The following MADD variants were observed in gnomAD, a reference collection of about 807,000 sequenced individuals.
MADD encodes MAP kinase activating death domain.
In MADD, 109 loss-of-function variants were observed where a neutral mutation model predicts 176.7. The observed-to-expected ratio is 0.62, with a 90% confidence interval of 0.53 to 0.72. The LOEUF is 0.72. Ranked by LOEUF, MADD falls within the 30% of genes least tolerant of loss-of-function variation. The pLI is 0.00. For synonymous variants in MADD, 771 were observed against 771.3 expected (o/e 1.00, Z 0.01); for missense variants, 1,914 against 2,045.5 (o/e 0.94, Z 1.24).
rs2137234315 is a variant in MADD at position 47,282,566 on chromosome 11, G to T, written c.1655G>T (p.Gly552Val). The change falls in exon 9 of 33, where the codon GGG becomes GTG. Residue 552 changes from glycine (G) to valine (V), a missense_variant. Physicochemically the swap from Gly to Val is moderately radical, Grantham distance 109. This residue lies in a region of MADD where 1,767 missense variants were observed against 1,836.0 expected (regional missense o/e 0.96). Transcript: ENST00000402192. ...AGGACTCAGGCTGTGGAGTACTTTG[G>T]GGAATGGATCCTTAACCCCACCAAC... 6.2e-7 allele frequency: 1 copy of T among 1,614,162 alleles called. No individual in the cohort carries two copies.
chr11:47,282,963 A>G, exon 10 of MADD: 1 of 1,613,378 alleles, frequency 6.2e-7, no homozygotes, highest in Admixed American at 1.7e-5. Context: ...GAACCTACTG[A>G]TGATAGGTGA....
intron 22 of MADD, 115 bp from the exon 25 acceptor site, chr11:47,308,476 T>C: frequency 1.5e-6 from 1 of 654,870 alleles, no homozygotes; most frequent in Non-Finnish European, 2.7e-6. Flanking sequence ...GGTACTGGAG[T>C]TTATGTTGCT....
exon 9 of MADD, chr11:47,282,389 T>C: frequency 1.9e-6 from 3 of 1,614,138 alleles, no homozygotes; most frequent in Non-Finnish European, 2.5e-6. Context: ...AGGGTTGCCA[T>C]GGTACGGTTC....
intron 16 of MADD, 54 bp from the exon 18 acceptor site, chr11:47,289,813 G>A: frequency 2.5e-6 from 4 of 1,589,658 alleles, no homozygotes; most frequent in Non-Finnish European, 3.4e-6. Flanking sequence ...TGAAAGGTGG[G>A]GGGTGCTCTG....
intron 7 of MADD, among the ~76,000 whole-genome samples, chr11:47,279,855 G>A (rs550227755): frequency 2.8e-4 from 42 of 151,848 alleles, no homozygotes; most frequent in Admixed American, 6.6e-4. Context: ...GGTGAATCAC[G>A]AGGTCAGGAG....
At chr11:47,284,904 C>T in intron 12 of MADD, 37 bp from the exon 13 acceptor site, 4 of 1,609,366 alleles carry the variant, frequency 2.5e-6, no homozygotes, top group Non-Finnish European at 3.4e-6. Context: ...TACCATTGGG[C>T]ACCAGGTAAC....
rs934191683 is a variant in MADD, at chr11:47,325,809, C to CCTTG, written c.4543-928_4543-925dup. Among the ~76,000 whole-genome samples, 5 of 152,238 alleles carry CCTTG rather than the reference C, an allele frequency of 3.3e-5. No homozygotes were observed. Among genetic ancestry groups the CCTTG allele is most frequent in the African/African-American group, 1.2e-4 (5 of 41,452 alleles). On this transcript the variant is annotated intron_variant, in intron 30 of 32. Coordinates refer to ENST00000402192, the Ensembl canonical transcript of MADD. The surrounding 1 kb of genome is among the most constrained non-coding windows in gnomAD (Gnocchi z 4.5). ...TGCTCTGCCCTGTTCCTCGTCCTGCCCTTGGCATAGCCCCACTGGGCAGCC... is the reference window on the plus strand; with the variant it reads ...TGCTCTGCCCTGTTCCTCGTCCTGCCCTTGCTTGGCATAGCCCCACTGGGCAGCC...
intron 5 of MADD, 77 bp downstream of exon 5, chr11:47,276,940 A>G (rs1237493307): frequency 8.5e-6 from 13 of 1,526,974 alleles, no homozygotes; most frequent in East Asian, 2.3e-5. Context: ...AAGAAGTTGT[A>G]AGTGAGTGCT....
At chr11:47,308,947 C>G in intron 23 of MADD, 33 bp from the exon 26 acceptor site, 1 of 1,594,388 alleles carries the variant, frequency 6.3e-7, no homozygotes. Context: ...TCCTTTCTTG[C>G]TACCATGGTC....
chr11:47,287,782 A>ATTTTT (rs57417064), intron 15 of MADD, among the ~76,000 whole-genome samples: 5 of 55,040 alleles, frequency 9.1e-5, no homozygotes, highest in African/African-American at 2.4e-4. Context: ...AGAAACATGT[A>ATTTTT]TTTTTTTTTT....
intron 24 of MADD, 37 bp from the exon 28 acceptor site, chr11:47,309,470 C>T (rs200899933): frequency 6.2e-7 from 1 of 1,613,982 alleles, no homozygotes; most frequent in African/African-American, 1.3e-5. Context: ...TGTGGTCTCC[C>T]ACTTGAGGGC....
At position 47,285,145 on chromosome 11, in the gene MADD, C is replaced by G. The variant is rs767257123; in HGVS notation, c.2362C>G (p.Gln788Glu). 9 of 1,613,888 alleles carry G rather than the reference C, an allele frequency of 5.6e-6. No homozygotes were observed. The African/African-American group carries it at 1.2e-4, about 22-fold the overall frequency. The change falls in exon 13 of 33, where the codon CAG becomes GAG. Residue 788 changes from glutamine (Q) to glutamate (E), a missense_variant. Coordinates refer to ENST00000402192, the Ensembl canonical transcript of MADD. ...TCCCCCTGAGGAAGATGAGGATGAG[C>G]AGGGGGAAAGTTACACTCCCCGATT...
At chr11:47,328,081 C>T (rs2095648303) in intron 31 of MADD, 1 of 995,992 alleles carries the variant, frequency 1.0e-6, no homozygotes, top group Admixed American at 5.3e-5. Context: ...CAGGTCTGGG[C>T]TTCTCCTGCC....
rs962566316 is a variant in MADD at position 47,290,431 on chromosome 11, T to A, written c.3094+132T>A. ...TTCCCATTAGGCTTTGGGATTTTAT[T>A]TTCTAATGCATGTTTATACGCAGTG... On this transcript the variant is annotated intron_variant, in intron 18 of 32. Transcript: ENST00000402192. The A allele has an allele frequency of 7.5e-6, 10 of 1,336,096 alleles. No homozygotes were observed. The Admixed American group carries it at 1.9e-4, about 25-fold the overall frequency. 82.8% of individuals were successfully genotyped at this position (1,336,096 alleles called of 1,614,324 possible). A position where few individuals can be genotyped will look rare whatever the true frequency, so the allele number is the denominator to read the frequency against.
intron 19 of MADD, among the ~76,000 whole-genome samples, chr11:47,291,704 G>A (rs1401287840): frequency 6.6e-6 from 1 of 152,200 alleles, no homozygotes; most frequent in African/African-American, 2.4e-5. Context: ...TGACCTGCTA[G>A]TCTGGAGATC....
rs1595604979 is a variant in MADD, at chr11:47,325,805, C to G, written c.4543-933C>G. 6.6e-6 allele frequency among the ~76,000 whole-genome samples: 1 copy of G among 152,238 alleles called. No individual in the cohort carries two copies. The highest frequency in any genetic ancestry group is 1.5e-5 in the Non-Finnish European group (1 of 68,048). ...CAGGTGCTCTGCCCTGTTCCTCGTC[C>G]TGCCCTTGGCATAGCCCCACTGGGC... is the stretch of plus-strand genomic sequence containing the variant. On this transcript the variant is annotated intron_variant, in intron 30 of 32. Transcript: ENST00000402192. The surrounding 1 kb of genome is among the most constrained non-coding windows in gnomAD (Gnocchi z 4.5).
At chr11:47,318,911 G>A (rs751580289) in intron 27 of MADD, among the ~76,000 whole-genome samples, 20 of 141,922 alleles carry the variant, frequency 1.4e-4, no homozygotes, top group Non-Finnish European at 7.5e-5. Context: ...AGGTTCAAGC[G>A]ATTCTCCTGC....
At chr11:47,287,254 G>A (rs1306915009) in intron 15 of MADD, among the ~76,000 whole-genome samples, 2 of 152,144 alleles carry the variant, frequency 1.3e-5, no homozygotes, top group African/African-American at 2.4e-5. Context: ...TCCAGGAGGC[G>A]GAGGTTGCAG....
intron 26 of MADD, among the ~76,000 whole-genome samples, chr11:47,314,767 A>G (rs2092156329): frequency 2.0e-5 from 3 of 152,348 alleles, no homozygotes; most frequent in Admixed American, 6.5e-5. Flanking sequence ...ACATACTGCA[A>G]CAGACTCAAT....
Sources: allele counts gnomAD v4.1 joint callset (sites outside exome capture counted in the v4.1 genomes callset), GRCh38; gene constraint gnomAD v4.1.1; regional missense constraint gnomAD v4.1.1; non-coding constraint Gnocchi (gnomAD v3.1); transcripts MANE v1.5; gene names NCBI Gene and HGNC (gene_info 2026-07-23, HGNC 2026-07-21).